Variants in NOX4 observed in about 807,000 individuals in gnomAD.
The protein encoded by NOX4 is NADPH oxidase 4.
NOX4 carries 69 observed loss-of-function variants against 87.6 expected under a neutral mutation model. That is an observed-to-expected ratio of 0.79 (90% confidence interval 0.65 to 0.96). The LOEUF is 0.96. Ranked by LOEUF, NOX4 falls within the 40% of genes least tolerant of loss-of-function variation. The pLI is 0.00. For missense variants in NOX4, 680 were observed against 681.5 expected, an observed-to-expected ratio of 1.00 and a Z score of 0.02; for synonymous variants, 275 against 238.2, an observed-to-expected ratio of 1.15 and a Z score of -1.42.
At position 89,325,866 on chromosome 11, in the gene NOX4, A is replaced by T. The variant is rs1470151101; in HGVS notation, c.*890T>A. ...AGAGACAAAAATGCTGAAAAAAGGG[A>T]AAAGTTATTAGTATATGTGTATATA... is the stretch of plus-strand genomic sequence containing the variant. On this transcript the variant is annotated 3_prime_UTR_variant, in exon 18 of 18. Coordinates refer to ENST00000263317, the MANE Select transcript of NOX4 (RefSeq NM_016931.5). 6.8e-6 allele frequency: 1 copy of T among 147,946 alleles called. No homozygotes were observed. Among genetic ancestry groups the T allele is most frequent in the African/African-American group, 2.5e-5 (1 of 40,228 alleles). 9.2% of individuals were successfully genotyped at this position (147,946 alleles called of 1,614,324 possible).
chr11:89,576,743 T>A, the NOX4 span, among the ~76,000 whole-genome samples: 1 of 152,184 alleles, frequency 6.6e-6, no homozygotes, highest in Non-Finnish European at 1.5e-5. Context: ...TCATATAATC[T>A]CATATTCATT....
At chr11:89,363,678 C>A (rs1484249375) in intron 12 of NOX4, among the ~76,000 whole-genome samples, 1 of 151,954 alleles carries the variant, frequency 6.6e-6, no homozygotes, top group Non-Finnish European at 1.5e-5. Context: ...AAAACAAATT[C>A]CTTCTAAAAA....
intron 8 of NOX4, among the ~76,000 whole-genome samples, 183 bp downstream of exon 8, chr11:89,421,719 C>T (rs1348416644): frequency 1.3e-5 from 2 of 152,050 alleles, no homozygotes; most frequent in Non-Finnish European, 2.9e-5. Flanking sequence ...GGTTTCATTA[C>T]AATATGCTAT....
the NOX4 span, among the ~76,000 whole-genome samples, chr11:89,552,800 G>A: frequency 5.3e-5 from 8 of 150,420 alleles, no homozygotes; most frequent in South Asian, 1.7e-3. Flanking sequence ...GAGAAGTAGT[G>A]AGACTGTAGG....
chr11:89,578,364 G>GCCAACA, the NOX4 span, among the ~76,000 whole-genome samples: 1 of 152,016 alleles, frequency 6.6e-6, no homozygotes, highest in Non-Finnish European at 1.5e-5. Flanking sequence ...ATTTCACCAT[G>GCCAACA]TTGGCCAGGA....
At position 89,400,275 on chromosome 11, in the gene NOX4, A is replaced by T; in HGVS notation, c.951T>A (p.His317Gln). ...KPVTIISVMS[H>Q]PSDVMEIRMV... Reference sequence around the variant, plus strand: ...TTCGGATTTCCATGACATCTGAGGGATGACTCATGACCGAAATGATGGTGA... The same window carrying T: ...TTCGGATTTCCATGACATCTGAGGGTTGACTCATGACCGAAATGATGGTGA... The change falls in exon 10 of 18, where the codon CAT (histidine) becomes CAA (glutamine). Residue 317 changes from histidine to glutamine, a missense_variant. By Grantham distance (24) the His-to-Gln change is conservative. Transcript: ENST00000263317. 1 of 1,612,886 alleles carries T rather than the reference A, an allele frequency of 6.2e-7. No individual in the cohort carries two copies. Among genetic ancestry groups the T allele is most frequent in the African/African-American group, 1.3e-5 (1 of 74,862 alleles).
chr11:89,576,268 TG>T, the NOX4 span, among the ~76,000 whole-genome samples: 3 of 152,214 alleles, frequency 2.0e-5, no homozygotes, highest in Admixed American at 2.0e-4. Flanking sequence ...CCCAAGTCCC[TG>T]ATGTCATGTG....
intron 3 of NOX4, among the ~76,000 whole-genome samples, chr11:89,450,881 G>A (rs1305740279): frequency 2.6e-5 from 4 of 151,932 alleles, no homozygotes; most frequent in East Asian, 3.9e-4. Flanking sequence ...ATACTATGCA[G>A]CCATAAAAAG....
the NOX4 span, among the ~76,000 whole-genome samples, chr11:89,568,075 C>T: frequency 1.4e-4 from 21 of 152,226 alleles, no homozygotes; most frequent in South Asian, 4.1e-4. Flanking sequence ...GGACAGAGAA[C>T]GAAGTTATGG....
intron 4 of NOX4, among the ~76,000 whole-genome samples, chr11:89,447,296 T>C (rs1403476146): frequency 2.0e-5 from 3 of 152,150 alleles, no homozygotes; most frequent in Non-Finnish European, 2.9e-5. Context: ...ACATACTCTA[T>C]GGCTAAAAAA....
chr11:89,513,491 T>C, the NOX4 span, among the ~76,000 whole-genome samples: 1 of 151,932 alleles, frequency 6.6e-6, no homozygotes, highest in Admixed American at 6.6e-5. Flanking sequence ...CAATAGAAAT[T>C]AAGGTATTTA....
intron 11 of NOX4, among the ~76,000 whole-genome samples, chr11:89,398,559 C>G (rs887585874): frequency 6.6e-6 from 1 of 151,404 alleles, no homozygotes; most frequent in Non-Finnish European, 1.5e-5. Flanking sequence ...TATTTTCTCC[C>G]TTTTCAATTA....
chr11:89,544,982 G>A, the NOX4 span: 1 of 152,076 alleles, frequency 6.6e-6, no homozygotes, highest in African/African-American at 2.4e-5. Context: ...CAGATGCTCA[G>A]TCTCCTTTGA....
At chr11:89,390,094 T>C (rs1454575313) in intron 11 of NOX4, among the ~76,000 whole-genome samples, 1 of 152,214 alleles carries the variant, frequency 6.6e-6, no homozygotes, top group Non-Finnish European at 1.5e-5. Context: ...AAGACAACTA[T>C]GCAGTGAAAA....
the NOX4 span, chr11:89,557,028 G>A: frequency 6.6e-5 from 10 of 152,234 alleles, no homozygotes; most frequent in African/African-American, 2.4e-4. Flanking sequence ...TTCAAATATG[G>A]AGTAATGACT....
intron 2 of NOX4, among the ~76,000 whole-genome samples, chr11:89,458,070 T>C (rs191957284): frequency 6.6e-6 from 1 of 152,268 alleles, no homozygotes; most frequent in East Asian, 1.9e-4. Flanking sequence ...TTTAAATTCA[T>C]ATGGAACCAA....
chr11:89,518,567 G>C, the NOX4 span, among the ~76,000 whole-genome samples: 1 of 151,972 alleles, frequency 6.6e-6, no homozygotes, highest in South Asian at 2.1e-4. Flanking sequence ...GGAGCATTTG[G>C]TCTGGGTGAA....
chr11:89,414,148 C>G (rs2055806), intron 8 of NOX4, among the ~76,000 whole-genome samples: 68,785 of 151,740 alleles, frequency 0.45, 16,656 homozygotes, highest in African/African-American at 0.63. Flanking sequence ...AATCAATCCT[C>G]TTTCTTCACT....
chr11:89,545,592 T>C, the NOX4 span: 1 of 151,474 alleles, frequency 6.6e-6, no homozygotes, highest in African/African-American at 2.4e-5. Flanking sequence ...CAGATGACAA[T>C]ACATCACCAG....
Sources: gnomAD v4.1 joint callset for allele counts (sites outside exome capture counted in the v4.1 genomes callset) on GRCh38, gnomAD v4.1.1 for gene constraint, MANE v1.5 for transcripts, NCBI Gene and HGNC (gene_info 2026-07-23, HGNC 2026-07-21) for gene names.